WDFY3: variants seen among roughly 807,000 people sequenced by gnomAD.
WDFY3 encodes the protein WD repeat and FYVE domain containing 3.
WDFY3 carries 66 observed loss-of-function variants against 409.6 expected under a neutral mutation model. The ratio of observed to expected loss-of-function variants is 0.16; its 90% CI spans 0.13 to 0.20. The LOEUF is 0.20. Among genes scored for constraint, WDFY3 ranks in the 10% least tolerant of loss-of-function variants. The pLI is 1.00. For synonymous variants in WDFY3, 1,521 were observed against 1,537.1 expected (o/e 0.99, Z 0.25); for missense variants, 3,031 against 4,298.1 (o/e 0.71, Z 8.24).
At chr4:84,811,532 C>T (rs1752488621) in intron 13 of WDFY3, among the ~76,000 whole-genome samples, 1 of 152,132 alleles carries the variant, frequency 6.6e-6, no homozygotes, top group African/African-American at 2.4e-5. Context: ...AGAATTTAAA[C>T]CTAGGCAGTC....
chr4:84,679,825 T>C (rs1727022104), intron 64 of WDFY3, among the ~76,000 whole-genome samples: 2 of 144,508 alleles, frequency 1.4e-5, no homozygotes, highest in Non-Finnish European at 3.0e-5. Flanking sequence ...ATTCTTCATA[T>C]ATATATATAT....
intron 2 of WDFY3, among the ~76,000 whole-genome samples, chr4:84,920,837 C>CT (rs894067808): frequency 2.7e-4 from 41 of 151,884 alleles, no homozygotes; most frequent in Non-Finnish European, 4.6e-4. Flanking sequence ...TTAATATGAC[C>CT]TTTTTTTTCC....
At chr4:84,862,174 G>A (rs1019245660) in intron 3 of WDFY3, among the ~76,000 whole-genome samples, 13 of 152,078 alleles carry the variant, frequency 8.5e-5, no homozygotes, top group Non-Finnish European at 1.3e-4. Context: ...ACTTGACTAC[G>A]GGCATATGCT....
intron 58 of WDFY3, among the ~76,000 whole-genome samples, chr4:84,695,513 G>T (rs1416354367): frequency 7.2e-5 from 8 of 111,304 alleles, no homozygotes; most frequent in South Asian, 2.7e-4. Context: ...GAGAGATAGA[G>T]AGAGAGAGAG....
intron 56 of WDFY3, among the ~76,000 whole-genome samples, chr4:84,697,981 A>C (rs976893402): frequency 5.3e-5 from 8 of 152,204 alleles, no homozygotes; most frequent in Non-Finnish European, 8.8e-5. Flanking sequence ...TTGGTTGGAA[A>C]GGTTACCATA....
chr4:84,844,906 G>C lies in WDFY3; in HGVS notation c.305-3643C>G, dbSNP rs190564385. Reference sequence around the variant, plus strand: ...TTACTTCCAGCAAAAGCCACATGGAGGCAAAGGACCAAGAAAGAATTAAGG... The same window carrying C: ...TTACTTCCAGCAAAAGCCACATGGACGCAAAGGACCAAGAAAGAATTAAGG... On this transcript the variant is annotated intron_variant, in intron 5 of 67. Coordinates refer to ENST00000295888, the MANE Select transcript of WDFY3 (RefSeq NM_014991.6). 2.8e-3 allele frequency among the ~76,000 whole-genome samples: 421 copies of C among 152,252 alleles called. 2 individuals are homozygous for C. Among genetic ancestry groups the C allele is most frequent in the African/African-American group, 9.7e-3 (404 of 41,532 alleles).
At chr4:84,700,557 G>A (rs1181269320) in intron 56 of WDFY3, among the ~76,000 whole-genome samples, 1 of 152,180 alleles carries the variant, frequency 6.6e-6, no homozygotes, top group Non-Finnish European at 1.5e-5. Flanking sequence ...AATTTGTTAT[G>A]AGGGTGAACA....
chr4:84,923,101 A>G (rs1769497810), intron 2 of WDFY3, among the ~76,000 whole-genome samples: 1 of 152,204 alleles, frequency 6.6e-6, no homozygotes, highest in South Asian at 2.1e-4. Context: ...AAATGAGTTA[A>G]GAATATGACA....
chr4:84,691,257 T>C (rs963705690), intron 60 of WDFY3, among the ~76,000 whole-genome samples: 2 of 152,038 alleles, frequency 1.3e-5, no homozygotes, highest in Non-Finnish European at 2.9e-5. Flanking sequence ...TTTGGAGCAC[T>C]AAAATGAAAA....
chr4:84,771,471 C>T (rs1744669979), intron 30 of WDFY3, among the ~76,000 whole-genome samples: 1 of 152,184 alleles, frequency 6.6e-6, no homozygotes, highest in Admixed American at 6.5e-5. Flanking sequence ...AAATGCATTA[C>T]ATATTTCAGC....
chr4:84,768,901 C>T (rs572011437), intron 30 of WDFY3, among the ~76,000 whole-genome samples: 16 of 152,214 alleles, frequency 1.1e-4, no homozygotes, highest in East Asian at 9.7e-4. Flanking sequence ...CCACTTTAGA[C>T]GCCATTAAGA....
intron 1 of WDFY3, among the ~76,000 whole-genome samples, chr4:84,944,190 T>G (rs1288972520): frequency 6.6e-6 from 1 of 152,166 alleles, no homozygotes; most frequent in Non-Finnish European, 1.5e-5. Flanking sequence ...GTATTATTTA[T>G]TAGTCTTTAA....
At chr4:84,782,572 G>A (rs1746729020) in intron 25 of WDFY3, among the ~76,000 whole-genome samples, 1 of 152,156 alleles carries the variant, frequency 6.6e-6, no homozygotes, top group Non-Finnish European at 1.5e-5. Flanking sequence ...GGTATGTGAT[G>A]TTCCCGTCCC....
intron 3 of WDFY3, among the ~76,000 whole-genome samples, chr4:84,888,678 C>T (rs1003380808): frequency 1.7e-4 from 26 of 152,228 alleles, no homozygotes; most frequent in African/African-American, 5.3e-4. Context: ...AACTAAATAG[C>T]GGTGTGTTAG....
At chr4:84,721,728 T>C (rs1477488624) in intron 46 of WDFY3, among the ~76,000 whole-genome samples, 156 bp from the exon 47 acceptor site, 1 of 152,186 alleles carries the variant, frequency 6.6e-6, no homozygotes, top group Non-Finnish European at 1.5e-5. Context: ...CATAGTCCTC[T>C]GGAGTTAATG....
rs770720911 is a variant in WDFY3 at position 84,721,553 on chromosome 4, T to C, written c.7461A>G (p.Leu2487=). 4 of 1,607,136 alleles carry C rather than the reference T, an allele frequency of 2.5e-6. No individual in the cohort carries two copies. Among genetic ancestry groups the C allele is most frequent in the Middle Eastern group, 1.7e-4 (1 of 6,060 alleles). Residue 2487 remains leucine (L), a synonymous_variant, in exon 47 of 68, where the codon CTA becomes CTG. Transcript: ENST00000295888. ...CATCAGGTGCAGATCGGGAGCGTTT[T>C]AGAGGAGGCTTGACCAAACCTACAG... The part of the protein sequence containing the change: ...AKVKGLVKPP[L]KRSRSAPDGG...
intron 17 of WDFY3, among the ~76,000 whole-genome samples, chr4:84,799,342 T>A (rs545185934): frequency 4.6e-4 from 68 of 147,598 alleles, no homozygotes; most frequent in African/African-American, 1.4e-3. Flanking sequence ...ATATATATTT[T>A]TTTTTTTTTT....
At chr4:84,797,015 C>CTCAGTT (rs1749567478) in intron 18 of WDFY3, among the ~76,000 whole-genome samples, 1 of 152,062 alleles carries the variant, frequency 6.6e-6, no homozygotes, top group African/African-American at 2.4e-5. Flanking sequence ...TAATTGTCAT[C>CTCAGTT]AAAGCCACTG....
At chr4:84,804,145 T>C (rs192242219) in intron 15 of WDFY3, 1 of 152,230 alleles carries the variant, frequency 6.6e-6, no homozygotes, top group African/African-American at 2.4e-5. Flanking sequence ...CCCAGCCATG[T>C]CCTGAATGTA....
Sources: gnomAD v4.1 joint callset for allele counts (sites outside exome capture counted in the v4.1 genomes callset) on GRCh38, gnomAD v4.1.1 for gene constraint, MANE v1.5 for transcripts, NCBI Gene and HGNC (gene_info 2026-07-23, HGNC 2026-07-21) for gene names.